The following CNTNAP2 variants were observed in gnomAD, a reference collection of about 807,000 sequenced individuals.
CNTNAP2 encodes contactin associated protein 2.
In CNTNAP2, 98 loss-of-function variants were observed where a neutral mutation model predicts 155.2. The observed-to-expected ratio is 0.63, with a 90% CI of 0.54 to 0.75. The LOEUF (loss-of-function observed/expected upper bound fraction) is 0.75. CNTNAP2 is among the 30% of genes least tolerant of loss of function. CNTNAP2 has a pLI of 0.00. For synonymous variants in CNTNAP2, 651 were observed against 631.2 expected (o/e 1.03, Z -0.47); for missense variants, 1,727 against 1,688.1 (o/e 1.02, Z -0.40).
intron 1 of CNTNAP2, among the ~76,000 whole-genome samples, chr7:146,666,092 C>T (rs780997889): frequency 6.6e-6 from 1 of 151,998 alleles, no homozygotes; most frequent in African/African-American, 2.4e-5. Context: ...AGAACTTATT[C>T]TTCTCATCTA....
intron 2 of CNTNAP2, among the ~76,000 whole-genome samples, chr7:146,817,734 A>C (rs2129195360): frequency 6.6e-6 from 1 of 152,284 alleles, no homozygotes; most frequent in South Asian, 2.1e-4. Context: ...CATCATGATG[A>C]GAACAGCACC....
At chr7:147,848,411 C>A (rs974258136) in intron 13 of CNTNAP2, among the ~76,000 whole-genome samples, 15 of 150,820 alleles carry the variant, frequency 9.9e-5, no homozygotes, top group South Asian at 8.4e-4. Context: ...ACTCCCTGAC[C>A]CCTTGCGCTT....
intron 1 of CNTNAP2, among the ~76,000 whole-genome samples, chr7:146,587,137 ACTT>A (rs1223923852): frequency 3.3e-5 from 5 of 151,930 alleles, no homozygotes; most frequent in African/African-American, 1.2e-4. Flanking sequence ...CTGCCACCAG[ACTT>A]GATACCACAA....
intron 9 of CNTNAP2, among the ~76,000 whole-genome samples, chr7:147,370,484 G>A (rs928046791): frequency 2.6e-5 from 4 of 152,078 alleles, no homozygotes; most frequent in East Asian, 1.9e-4. Context: ...TCCGTGAGTC[G>A]CTTGTTAAAT....
intron 21 of CNTNAP2, among the ~76,000 whole-genome samples, chr7:148,286,340 G>A (rs568151108): frequency 6.1e-4 from 93 of 152,022 alleles, no homozygotes; most frequent in Non-Finnish European, 1.2e-3. Context: ...TGCTCTCATC[G>A]GCTTTTAACC....
At chr7:148,283,887 A>G (rs965499034) in intron 21 of CNTNAP2, among the ~76,000 whole-genome samples, 4 of 152,236 alleles carry the variant, frequency 2.6e-5, no homozygotes, top group Non-Finnish European at 4.4e-5. Context: ...TAAGATACAC[A>G]CATAAAGCAA....
intron 1 of CNTNAP2, among the ~76,000 whole-genome samples, chr7:146,360,552 A>G (rs561783289): frequency 6.6e-6 from 1 of 152,300 alleles, no homozygotes; most frequent in African/African-American, 2.4e-5. Context: ...GAATTTAGAG[A>G]GCAATTTATG....
rs1171731003 is a variant in CNTNAP2 at position 148,395,199 on chromosome 7, A to G, written c.3715+11311A>G. On this transcript the variant is annotated intron_variant, in intron 22 of 23. Transcript: ENST00000361727. ...AACCAGCTCTTAGATTTATTTGTCA[A>G]TTCTTTGTTTTCTTTCTACTGTCGT... is the stretch of plus-strand genomic sequence containing the variant. Among the ~76,000 whole-genome samples, 5 of 127,382 alleles carry G rather than the reference A, an allele frequency of 3.9e-5. No individual in the cohort carries two copies. The East Asian group carries it at 6.8e-4, about 17-fold the overall frequency. 83.6% of individuals were successfully genotyped at this position (127,382 alleles called of 152,430 possible). A position where few individuals can be genotyped will look rare whatever the true frequency, so the allele number is the denominator to read the frequency against.
intron 1 of CNTNAP2, among the ~76,000 whole-genome samples, chr7:146,350,444 T>G (rs1387541813): frequency 2.9e-4 from 44 of 152,132 alleles, no homozygotes; most frequent in South Asian, 6.2e-4. Flanking sequence ...ATCATCACTG[T>G]CCATCAGAGA....
At chr7:146,536,155 T>A (rs925149561) in intron 1 of CNTNAP2, among the ~76,000 whole-genome samples, 3 of 151,274 alleles carry the variant, frequency 2.0e-5, no homozygotes, top group Non-Finnish European at 2.9e-5. Flanking sequence ...TAGATTGTTA[T>A]TTTTGAACCA....
chr7:147,583,303 T>A (rs1325146793), intron 12 of CNTNAP2, among the ~76,000 whole-genome samples: 4 of 151,910 alleles, frequency 2.6e-5, no homozygotes, highest in African/African-American at 9.7e-5. Flanking sequence ...ATAAATCACA[T>A]GAATTGATGA....
chr7:146,153,648 T>G (rs1476276037), intron 1 of CNTNAP2, among the ~76,000 whole-genome samples: 1 of 152,218 alleles, frequency 6.6e-6, no homozygotes, highest in African/African-American at 2.4e-5. Context: ...GGAAAGAAAC[T>G]GCATTCTAAA....
At chr7:147,426,818 T>G (rs1274733920) in intron 10 of CNTNAP2, among the ~76,000 whole-genome samples, 4 of 151,902 alleles carry the variant, frequency 2.6e-5, no homozygotes, top group Non-Finnish European at 5.9e-5. Context: ...ATAAATTAGT[T>G]TTTGTTGGAT....
At chr7:148,080,452 C>T (rs909177705) in intron 15 of CNTNAP2, among the ~76,000 whole-genome samples, 4 of 151,330 alleles carry the variant, frequency 2.6e-5, no homozygotes, top group African/African-American at 7.3e-5. Context: ...AAAAATACAA[C>T]AAAATTAGCC....
chr7:148,404,098 TAGA>T (rs1799647777), intron 22 of CNTNAP2, among the ~76,000 whole-genome samples: 1 of 152,234 alleles, frequency 6.6e-6, no homozygotes, highest in Non-Finnish European at 1.5e-5. Context: ...TCTACCTGCA[TAGA>T]AGGTTTTGTT....
intron 3 of CNTNAP2, among the ~76,000 whole-genome samples, chr7:146,843,772 A>G (rs1803790043): frequency 6.6e-6 from 1 of 150,390 alleles, no homozygotes; most frequent in African/African-American, 2.5e-5. Flanking sequence ...TTTATTAAAA[A>G]TGATATTAAA....
At chr7:147,594,426 T>C (rs1463732027) in intron 12 of CNTNAP2, among the ~76,000 whole-genome samples, 1 of 152,168 alleles carries the variant, frequency 6.6e-6, no homozygotes, top group Non-Finnish European at 1.5e-5. Flanking sequence ...TCTCACCATA[T>C]GTAACAGTGA....
intron 12 of CNTNAP2, among the ~76,000 whole-genome samples, chr7:147,635,813 A>G (rs920592516): frequency 1.3e-5 from 2 of 152,224 alleles, no homozygotes; most frequent in Admixed American, 6.5e-5. Flanking sequence ...TTTAAAGAAG[A>G]CATCAGGTTT....
chr7:148,067,102 A>C (rs1803280252), intron 15 of CNTNAP2, among the ~76,000 whole-genome samples: 1 of 151,974 alleles, frequency 6.6e-6, no homozygotes, highest in Admixed American at 6.5e-5. Context: ...TTTTTCTGGC[A>C]ATTTGAAGAT....
Sources: gnomAD v4.1 joint callset for allele counts (sites outside exome capture counted in the v4.1 genomes callset) on GRCh38, gnomAD v4.1.1 for gene constraint, MANE v1.5 for transcripts, NCBI Gene and HGNC (gene_info 2026-07-23, HGNC 2026-07-21) for gene names.